The following CITED1 variants were observed in gnomAD, a reference collection of about 807,000 sequenced individuals.
CITED1 encodes cbp/p300-interacting transactivator 1.
A neutral mutation model predicts 8.5 loss-of-function variants in CITED1; 3 were observed. The observed-to-expected ratio is 0.35, with a 90% CI of 0.16 to 0.91. The LOEUF (loss-of-function observed/expected upper bound fraction) is 0.91, where lower values mean the gene tolerates loss of function less well. Ranked by LOEUF, CITED1 falls within the 40% of genes least tolerant of loss-of-function variation. CITED1 has a pLI of 0.46. For missense variants in CITED1, 113 were observed against 154.8 expected (o/e 0.73, Z 1.43); for synonymous variants, 54 against 67.4 (o/e 0.80, Z 0.97).
At chrX:72,304,340 C>A (rs2147640634) in intron 1 of CITED1, among the ~76,000 whole-genome samples, 1 of 111,607 alleles carries the variant, frequency 9.0e-6, no homozygotes, top group East Asian at 2.8e-4. Context: ...AAGGGGTAAA[C>A]ATTTTTTTAA....
intron 1 of CITED1, 137 bp downstream of exon 1, chrX:72,305,688 C>T (rs1202804698): frequency 5.7e-6 from 1 of 174,549 alleles, no homozygotes; most frequent in Non-Finnish European, 1.1e-5. Context: ...CGCGCCTGAT[C>T]AACACTTACT....
intron 1 of CITED1, chrX:72,305,181 G>A (rs758479647): frequency 1.4e-6 from 1 of 692,468 alleles, no homozygotes; most frequent in African/African-American, 2.2e-5. Flanking sequence ...CCTTCCCTTG[G>A]GCGAGCAGCC....
At chrX:72,303,791 G>A (rs1468600628) in intron 1 of CITED1, among the ~76,000 whole-genome samples, 2 of 112,081 alleles carry the variant, frequency 1.8e-5, no homozygotes, top group African/African-American at 6.5e-5. Flanking sequence ...GGCTTCCAAA[G>A]AAGTGATTTC....
At chrX:72,305,995 G>A (rs1489267950), upstream of CITED1, 1 of 111,461 alleles carries the variant, frequency 9.0e-6, no homozygotes. Flanking sequence ...GTCGGGGGAG[G>A]GGAGGGCTGA....
rs61732117 is a variant in CITED1 at position 72,302,111 on chromosome X, G to A, written c.194C>T (p.Ser65Leu). 3.2e-4 allele frequency: 375 copies of A among 1,187,553 alleles called. No homozygotes were observed. The African/African-American group carries it at 5.1e-3, about 16-fold the overall frequency. ...TGTAGGAGAGCCTATTGGAGATCCC[G>A]AGGAACTAGTGGGAGCCCCACTGGC... ...TKASGAPTSS[S>L]GSPIGSPTTT... is the part of the protein sequence containing the mutation. Residue 65 changes from serine (S) to leucine (L), a missense_variant, in exon 3 of 3, where the codon TCG becomes TTG. Transcript: ENST00000651998.
intron 1 of CITED1, chrX:72,305,411 G>A: frequency 3.9e-6 from 3 of 766,876 alleles, no homozygotes; most frequent in South Asian, 2.5e-5. Context: ...AGTCAGTTTC[G>A]CCACCTGAAA....
At chrX:72,304,194 G>T in intron 1 of CITED1, 1 of 286,106 alleles carries the variant, frequency 3.5e-6, no homozygotes. Flanking sequence ...AGAATTCTCC[G>T]TGACACTCTC....
At chrX:72,307,050 G>A (rs1182995962), upstream of CITED1, 1 of 110,101 alleles carries the variant, frequency 9.1e-6, no homozygotes, top group Non-Finnish European at 1.9e-5. Context: ...GTGCTGTGCC[G>A]TCCGCTGCTC....
chrX:72,305,429 G>A lies in CITED1; in HGVS notation c.-66+396C>T, dbSNP rs190894379. 3,038 of 623,752 alleles carry A rather than the reference G, an allele frequency of 4.9e-3. 5 individuals are homozygous for A. Among genetic ancestry groups the A allele is most frequent in the Non-Finnish European group, 5.2e-3 (2,089 of 399,566 alleles). 51.4% of individuals were successfully genotyped at this position (623,752 alleles called of 1,213,427 possible). A position where few individuals can be genotyped will look rare whatever the true frequency, so the allele number is the denominator to read the frequency against. On this transcript the variant is annotated intron_variant, in intron 1 of 2. Transcript: ENST00000651998. ...CAGTTTCGCCACCTGAAAACTAAAG[G>A]CCCGTTGTTTGCGGACAGCTCGGCT...
chrX:72,303,935 C>T (rs2043312044), intron 1 of CITED1, among the ~76,000 whole-genome samples: 1 of 111,142 alleles, frequency 9.0e-6, no homozygotes, highest in South Asian at 3.8e-4. Flanking sequence ...TGTCCCATAG[C>T]TAGGCACAGT....
chrX:72,304,893 T>C (rs759126492), intron 1 of CITED1, among the ~76,000 whole-genome samples: 1 of 112,363 alleles, frequency 8.9e-6, no homozygotes, highest in East Asian at 2.8e-4. Context: ...GTAAGTGTTG[T>C]TGAATGCGTC....
chrX:72,305,689 A>C, intron 1 of CITED1, 136 bp downstream of exon 1: 1 of 173,357 alleles, frequency 5.8e-6, no homozygotes, highest in Non-Finnish European at 1.1e-5. Context: ...GCGCCTGATC[A>C]ACACTTACTG....
Position 72,301,802 on chromosome X carries a change from T to C in CITED1, c.503A>G (p.Asp168Gly). 1 of 1,211,836 alleles carries C rather than the reference T, an allele frequency of 8.3e-7. No homozygotes were observed. Among genetic ancestry groups the C allele is most frequent in the Non-Finnish European group, 1.1e-6 (1 of 895,520 alleles). ...CAGCTCCGGAAGCTCATTGGCTCGG[T>C]CCAACCCCAGTTCCACCACCAGCGA... The part of the protein sequence containing the change: ...LMSLVVELGL[D>G]RANELPELWL... Residue 168 changes from aspartate to glycine, a missense_variant, in exon 3 of 3, where the codon GAC (aspartate) becomes GGC (glycine). By Grantham distance (94) the Asp-to-Gly change is moderately conservative. Coordinates refer to ENST00000651998, the MANE Select transcript of CITED1 (RefSeq NM_001144887.2).
chrX:72,307,067 T>C (rs1184966980), upstream of CITED1: 3 of 109,847 alleles, frequency 2.7e-5, no homozygotes, highest in African/African-American at 1.0e-4. Context: ...GCTCTCTTCC[T>C]CCTCACCGAG....
At chrX:72,304,051 T>TAAA in intron 1 of CITED1, 1 of 393,937 alleles carries the variant, frequency 2.5e-6, no homozygotes, top group Non-Finnish European at 3.2e-6. Context: ...CCTATCTCTT[T>TAAA]AAAAAAAAAA....
rs145731331 is a variant in CITED1, at chrX:72,301,819, C to T, written c.486G>A (p.Val162=). ...TGGCTCGGTCCAACCCCAGTTCCAC[C>T]ACCAGCGACATCAGCACTTCCTCAT... The part of the protein sequence containing the change: ...PVDEEVLMSL[V]VELGLDRANE... Residue 162 remains valine (V), a synonymous_variant, in exon 3 of 3, where the codon GTG becomes GTA. Coordinates refer to ENST00000651998, the MANE Select transcript of CITED1 (RefSeq NM_001144887.2). 3.6e-4 allele frequency: 431 copies of T among 1,210,312 alleles called. 3 individuals are homozygous for T. In the African/African-American group the frequency reaches 6.7e-3, roughly 19 times the overall value.
chrX:72,305,653 C>T (rs771537697), intron 1 of CITED1, 172 bp downstream of exon 1: 125 of 201,640 alleles, frequency 6.2e-4, no homozygotes, highest in Admixed American at 1.1e-3. Flanking sequence ...CGAGTCCGCA[C>T]TCCGGCGCCG....
In CITED1 at chrX:72,302,903, G is replaced by C. The variant is rs373689044; in HGVS notation, c.-34C>G. ...CTTGGCAGAAGTTGGATAAATTGGC[G>C]GGAAGTGATGCTGCCAGCTGGAGCT... On this transcript the variant is annotated 5_prime_UTR_variant, in exon 2 of 3. Transcript: ENST00000651998. 28 of 1,210,220 alleles carry C rather than the reference G, an allele frequency of 2.3e-5. No homozygotes were observed. Among genetic ancestry groups the C allele is most frequent in the Non-Finnish European group, 3.1e-5 (28 of 895,036 alleles).
chrX:72,303,945 T>C (rs892792986), intron 1 of CITED1, among the ~76,000 whole-genome samples: 5 of 110,919 alleles, frequency 4.5e-5, no homozygotes, highest in African/African-American at 1.3e-4. Context: ...CTAGGCACAG[T>C]AGCACCCTCC....
Sources: gnomAD v4.1 joint callset for allele counts (sites outside exome capture counted in the v4.1 genomes callset) on GRCh38, gnomAD v4.1.1 for gene constraint, MANE v1.5 for transcripts, NCBI Gene and HGNC (gene_info 2026-07-23, HGNC 2026-07-21) for gene names.